The following HDAC9 variants were observed in gnomAD, a reference collection of about 807,000 sequenced individuals.
HDAC9 encodes histone deacetylase 9.
Under a neutral mutation model 139.4 loss-of-function variants are expected in HDAC9, and 41 were observed. That is an observed-to-expected ratio of 0.29 (90% CI 0.23 to 0.38). The LOEUF is 0.38. Among genes scored for constraint, HDAC9 ranks in the 10% least tolerant of loss-of-function variants. The probability of loss-of-function intolerance (pLI) is 1.00; values close to 1 mark genes in which losing one functional copy is unlikely to be tolerated. For synonymous variants in HDAC9, 517 were observed against 476.2 expected, an observed-to-expected ratio of 1.09 and a Z score of -1.12; for missense variants, 1,147 against 1,297.0, an observed-to-expected ratio of 0.88 and a Z score of 1.78.
At chr7:18,369,673 T>C (rs1784446806) in intron 1 of HDAC9, among the ~76,000 whole-genome samples, 1 of 152,028 alleles carries the variant, frequency 6.6e-6, no homozygotes, top group Non-Finnish European at 1.5e-5. Flanking sequence ...GCCGATTAGG[T>C]CAAGATATCT....
At chr7:18,543,155 T>C (rs1172858170) in intron 2 of HDAC9, 1 of 152,184 alleles carries the variant, frequency 6.6e-6, no homozygotes, top group Admixed American at 6.5e-5. Context: ...TATCGAGTCA[T>C]TTTTTCTCTC....
chr7:18,384,024 A>G (rs996975407), intron 1 of HDAC9, among the ~76,000 whole-genome samples: 3 of 152,188 alleles, frequency 2.0e-5, no homozygotes, highest in Non-Finnish European at 4.4e-5. Flanking sequence ...TTGGAAGTAC[A>G]CATAGGCCAG....
chr7:18,553,489 C>G (rs1817773916), intron 2 of HDAC9, among the ~76,000 whole-genome samples: 1 of 152,142 alleles, frequency 6.6e-6, no homozygotes. Flanking sequence ...TTCAAAAAGT[C>G]TAATCAAACA....
chr7:18,467,607 A>G lies in HDAC9; in HGVS notation c.-41-28655A>G, dbSNP rs370336194. ...TGTAACTTCATAAAATAAACATTTT[A>G]TTGTTGAAAATTTTAGATTTACAGA... On this transcript the variant is annotated intron_variant, in intron 1 of 3. Transcript: ENST00000413509. Among the ~76,000 whole-genome samples, 171 of 152,300 alleles carry G rather than the reference A, an allele frequency of 1.1e-3. 6 individuals are homozygous for G. In the South Asian group the frequency reaches 0.03, roughly 27 times the overall value.
At chr7:18,765,222 T>A (rs1789725430) in intron 15 of HDAC9, among the ~76,000 whole-genome samples, 1 of 152,182 alleles carries the variant, frequency 6.6e-6, no homozygotes, top group Non-Finnish European at 1.5e-5. Flanking sequence ...GTAAACATTC[T>A]CCTAAGTAGG....
chr7:18,575,893 T>C (rs1825814734), intron 2 of HDAC9, among the ~76,000 whole-genome samples: 1 of 152,242 alleles, frequency 6.6e-6, no homozygotes, highest in Non-Finnish European at 1.5e-5. Flanking sequence ...TGTTTTCATG[T>C]TGTACTAAGC....
At chr7:18,708,304 G>A (rs1784090957) in intron 12 of HDAC9, among the ~76,000 whole-genome samples, 1 of 151,954 alleles carries the variant, frequency 6.6e-6, no homozygotes, top group Admixed American at 6.6e-5. Flanking sequence ...AGGGAGGAAG[G>A]GGACTTGGGA....
rs1322547659 is a variant in HDAC9 at position 18,932,838 on chromosome 7, A to G, written c.2804-2971A>G. Among the ~76,000 whole-genome samples, 6 of 147,860 alleles carry G rather than the reference A, an allele frequency of 4.1e-5. No individual in the cohort carries two copies. The East Asian group carries it at 1.2e-3, about 29-fold the overall frequency. ...ATAGAAAGAAAGAAGGAAGGAAGGA[A>G]GGAAGGAAAAAAAGAAAGAAAGAAA... On this transcript the variant is annotated intron_variant, in intron 22 of 25. Transcript: ENST00000686413.
At chr7:18,523,459 C>T (rs1805732307) in intron 2 of HDAC9, among the ~76,000 whole-genome samples, 1 of 152,156 alleles carries the variant, frequency 6.6e-6, no homozygotes, top group Admixed American at 6.5e-5. Flanking sequence ...GAGATTTCCA[C>T]ATTCATAACT....
At chr7:18,648,247 A>G (rs1211946853) in intron 10 of HDAC9, among the ~76,000 whole-genome samples, 1 of 152,098 alleles carries the variant, frequency 6.6e-6, no homozygotes, top group Non-Finnish European at 1.5e-5. Flanking sequence ...GTATGGTCAG[A>G]TGCGTACCTG....
intron 1 of HDAC9, among the ~76,000 whole-genome samples, chr7:18,473,396 C>T (rs1041730092): frequency 1.3e-5 from 2 of 152,172 alleles, no homozygotes; most frequent in African/African-American, 4.8e-5. Flanking sequence ...CTATTTTCTG[C>T]TAAATCAACA....
chr7:18,416,105 C>A (rs1006676557), intron 1 of HDAC9, among the ~76,000 whole-genome samples: 4 of 152,126 alleles, frequency 2.6e-5, no homozygotes, highest in African/African-American at 9.6e-5. Flanking sequence ...ACCAGCCTGA[C>A]CATCATCATG....
rs1795341203 is a variant in HDAC9 at position 18,257,404 on chromosome 7, CA to C, written c.25+95056del. ...TCTCTCTCTCTCTCTGTCTCTCCCA[CA>C]CACACACACACACACACACACACAC... On this transcript the variant is annotated intron_variant, in intron 2 of 12. Coordinates refer to the HDAC9 transcript ENST00000417496. Among the ~76,000 whole-genome samples, 16 of 90,838 alleles carry C rather than the reference CA, an allele frequency of 1.8e-4. No individual in the cohort carries two copies. The East Asian group carries it at 2.7e-3, about 15-fold the overall frequency. The allele number at this position is 90,838 out of a possible 152,430, so 59.6% of individuals were successfully genotyped here.
At chr7:18,366,852 A>T (rs1279730895) in intron 1 of HDAC9, among the ~76,000 whole-genome samples, 1 of 152,116 alleles carries the variant, frequency 6.6e-6, no homozygotes, top group Non-Finnish European at 1.5e-5. Context: ...GTTTAGTTAG[A>T]TTGTCACATC....
At chr7:18,987,935 G>A (rs575081114) in intron 25 of HDAC9, among the ~76,000 whole-genome samples, 20 of 146,932 alleles carry the variant, frequency 1.4e-4, no homozygotes, top group Admixed American at 6.9e-4. Context: ...ATTTTTTATC[G>A]CATCTATTTG....
chr7:18,102,507 G>A (rs1782915758), intron 1 of HDAC9, among the ~76,000 whole-genome samples: 1 of 152,100 alleles, frequency 6.6e-6, no homozygotes, highest in Non-Finnish European at 1.5e-5. Flanking sequence ...AAGAATAAAG[G>A]TTAGGCCAGA....
At chr7:18,709,797 A>T (rs1432682270) in intron 12 of HDAC9, among the ~76,000 whole-genome samples, 1 of 152,160 alleles carries the variant, frequency 6.6e-6, no homozygotes, top group African/African-American at 2.4e-5. Flanking sequence ...TTGGCCTCCC[A>T]AAGTGTTGGC....
intron 24 of HDAC9, among the ~76,000 whole-genome samples, chr7:18,971,572 G>A (rs552978986): frequency 1.0e-3 from 157 of 152,304 alleles, no homozygotes; most frequent in African/African-American, 3.7e-3. Flanking sequence ...CATAAATTAT[G>A]GGGTTTGAAT....
At chr7:18,880,532 C>G (rs760162919) in intron 22 of HDAC9, among the ~76,000 whole-genome samples, 1 of 152,054 alleles carries the variant, frequency 6.6e-6, no homozygotes, top group Non-Finnish European at 1.5e-5. Context: ...GGCTATTATC[C>G]TCAGCAAACT....
Sources: gnomAD v4.1 joint callset for allele counts (sites outside exome capture counted in the v4.1 genomes callset) on GRCh38, gnomAD v4.1.1 for gene constraint, MANE v1.5 for transcripts, NCBI Gene and HGNC (gene_info 2026-07-23, HGNC 2026-07-21) for gene names.